The following AGAP3 variants were observed in gnomAD, a reference collection of about 807,000 sequenced individuals.
AGAP3 encodes ArfGAP with GTPase domain, ankyrin repeat and PH domain 3.
Under a neutral mutation model 96.9 loss-of-function variants are expected in AGAP3, and 24 were observed. The ratio of observed to expected loss-of-function variants is 0.25; its 90% CI spans 0.18 to 0.35. The LOEUF is 0.35. Ranked by LOEUF, AGAP3 falls within the 10% of genes least tolerant of loss-of-function variation. The pLI is 1.00. For missense variants in AGAP3, 876 were observed against 1,254.2 expected (o/e 0.70, Z 4.55); for synonymous variants, 563 against 536.1 (o/e 1.05, Z -0.69).
At position 151,140,018 on chromosome 7, in the gene AGAP3, T is replaced by G. The variant is rs1040603972; in HGVS notation, c.1706T>G (p.Leu569Arg). Residue 569 changes from leucine to arginine, a missense_variant, in exon 13 of 18, where the codon CTG becomes CGG. Around this residue, in one of 8 missense-constraint regions of AGAP3, gnomAD observed 155 missense variants for 144.4 expected, o/e 1.07. Coordinates refer to ENST00000397238, the MANE Select transcript of AGAP3 (RefSeq NM_031946.7). This position sits in a 1 kb window ranked among gnomAD's most constrained non-coding sequence, Gnocchi z 5.4. ...GAGGTACTCAGTTCCAGCCCCAAGC[T>G]GGATCCTCCCCCATCTCCCCACTCC... Reference protein sequence around the residue: ...PAEVLSSSPKLDPPPSPHSNR... With the variant: ...PAEVLSSSPKRDPPPSPHSNR... 2 of 1,598,656 alleles carry G rather than the reference T, an allele frequency of 1.3e-6. No individual in the cohort carries two copies. The highest frequency in any genetic ancestry group is 2.7e-5 in the African/African-American group (2 of 74,116).
At chr7:151,123,302 C>T in intron 8 of AGAP3, 3 of 1,039,318 alleles carry the variant, frequency 2.9e-6, no homozygotes, top group Non-Finnish European at 2.3e-6. Context: ...GGGTGCAGGG[C>T]CTCTTCTGGC....
intron 9 of AGAP3, among the ~76,000 whole-genome samples, chr7:151,127,829 A>G (rs1010022780): frequency 1.3e-5 from 2 of 152,184 alleles, no homozygotes; most frequent in Admixed American, 1.3e-4. Flanking sequence ...TGCATTCGTC[A>G]TCTGACAGCC....
chr7:151,117,969 T>C (rs1156371466), intron 5 of AGAP3, 192 bp downstream of exon 5: 5 of 904,820 alleles, frequency 5.5e-6, no homozygotes, highest in Non-Finnish European at 8.1e-6. Flanking sequence ...GCTGTCCCTG[T>C]GACTAGCAGG....
intron 9 of AGAP3, among the ~76,000 whole-genome samples, chr7:151,126,695 A>ACCTGG (rs1789877929): frequency 6.6e-6 from 1 of 152,178 alleles, no homozygotes; most frequent in African/African-American, 2.4e-5. Context: ...CTCTCAGTGC[A>ACCTGG]CCTGGCCCCT....
chr7:151,134,595 T>TG (rs753419471), intron 11 of AGAP3, 27 bp downstream of exon 11: 3 of 1,574,088 alleles, frequency 1.9e-6, no homozygotes, highest in Non-Finnish European at 1.7e-6. Context: ...GGTGGGGGCC[T>TG]GGGGGGTGGC....
Position 151,140,063 on chromosome 7 carries a change from G to A in AGAP3, c.1751G>A (p.Arg584Lys), listed in dbSNP as rs1169845426. The change falls in exon 13 of 18, where the codon AGG becomes AAG. Residue 584 changes from arginine (R) to lysine (K), a missense_variant. Around this residue, in one of 8 missense-constraint regions of AGAP3, gnomAD observed 155 missense variants for 144.4 expected, o/e 1.07. Coordinates refer to ENST00000397238, the MANE Select transcript of AGAP3 (RefSeq NM_031946.7). The surrounding 1 kb of genome is among the most constrained non-coding windows in gnomAD (Gnocchi z 5.4). ...CACTCCAACCGGAAGAAGCACCGGAGGAAAAAGAGCACCGGGACCCCCCGA... is the reference window on the plus strand; with the variant it reads ...CACTCCAACCGGAAGAAGCACCGGAAGAAAAAGAGCACCGGGACCCCCCGA... ...SPHSNRKKHR[R>K]KKSTGTPRPD... is the part of the protein sequence containing the mutation. 6.2e-7 allele frequency: 1 copy of A among 1,606,158 alleles called. No individual in the cohort carries two copies. The highest frequency in any genetic ancestry group is 8.5e-7 in the Non-Finnish European group (1 of 1,176,820).
chr7:151,131,531 A>G (rs1357466890), intron 10 of AGAP3, among the ~76,000 whole-genome samples: 8 of 152,134 alleles, frequency 5.3e-5, no homozygotes, highest in African/African-American at 1.9e-4. Context: ...ACGGAGGGAA[A>G]CGCTGCTGCC....
intron 1 of AGAP3, among the ~76,000 whole-genome samples, chr7:151,094,841 C>T (rs1317973956): frequency 6.6e-6 from 1 of 151,252 alleles, no homozygotes; most frequent in Non-Finnish European, 1.5e-5. Flanking sequence ...TCCCTTCCCT[C>T]CTTCCCTCTG....
At chr7:151,136,517 C>T (rs1168345553) in intron 11 of AGAP3, 5 of 152,252 alleles carry the variant, frequency 3.3e-5, no homozygotes, top group African/African-American at 7.2e-5. Flanking sequence ...ATCTTTGTTA[C>T]TGTAATTACA....
At position 151,107,962 on chromosome 7, in the gene AGAP3, T is replaced by G. The variant is rs565329839; in HGVS notation, c.332-8831T>G. On this transcript the variant is annotated intron_variant, in intron 1 of 17. Transcript: ENST00000397238. ...CCCACCCTTCAGGCCATGGGAGGGCTGGAGATGCTGTGAGGTGTAGGATCC... is the reference window on the plus strand; with the variant it reads ...CCCACCCTTCAGGCCATGGGAGGGCGGGAGATGCTGTGAGGTGTAGGATCC... Among the ~76,000 whole-genome samples, 4 of 152,186 alleles carry G rather than the reference T, an allele frequency of 2.6e-5. No homozygotes were observed. In the East Asian group the frequency reaches 7.8e-4, roughly 30 times the overall value.
chr7:151,121,606 G>A (rs1441542352), intron 8 of AGAP3, among the ~76,000 whole-genome samples: 2 of 151,768 alleles, frequency 1.3e-5, no homozygotes, highest in Non-Finnish European at 2.9e-5. Context: ...CCTCCCTTGC[G>A]CCCCGTGCTT....
chr7:151,138,728 T>C (rs915120528), intron 12 of AGAP3, among the ~76,000 whole-genome samples: 1 of 152,184 alleles, frequency 6.6e-6, no homozygotes, highest in Non-Finnish European at 1.5e-5. Context: ...GGGAAGCGGC[T>C]GAGTAGGGAG....
rs1210042889 is a variant in AGAP3, at chr7:151,112,844, T to A, written c.332-3949T>A. Among the ~76,000 whole-genome samples the A allele has an allele frequency of 2.0e-5, 3 of 152,000 alleles. No homozygotes were observed. The East Asian group carries it at 5.8e-4, about 29-fold the overall frequency. The stretch of plus-strand genomic sequence containing the variant: ...CTCCAACTCCTGGACTCAAGTGATC[T>A]GCCTGCCTCGGCCTCCCAAAGCGCT... On this transcript the variant is annotated intron_variant, in intron 1 of 17. Transcript: ENST00000397238.
rs1455715160 is a variant in AGAP3, at chr7:151,118,322, T to C, written c.819T>C (p.Asn273=). ...YYETCATYGL[N]VERVFQDVAQ... ...AGACGTGCGCGACCTACGGGCTCAA[T>C]GTGGAGCGTGTCTTCCAGGACGGTA... Residue 273 remains asparagine (N), a synonymous_variant, in exon 6 of 18, where the codon AAT becomes AAC. Coordinates refer to ENST00000397238, the MANE Select transcript of AGAP3 (RefSeq NM_031946.7). This position sits in a 1 kb window ranked among gnomAD's most constrained non-coding sequence, Gnocchi z 6.1. 4 of 1,612,060 alleles carry C rather than the reference T, an allele frequency of 2.5e-6. No individual in the cohort carries two copies. Among genetic ancestry groups the C allele is most frequent in the East Asian group, 2.2e-5 (1 of 44,792 alleles).
intron 1 of AGAP3, among the ~76,000 whole-genome samples, chr7:151,104,584 G>C (rs115554981): frequency 0.026 from 3,932 of 152,290 alleles, 141 homozygotes; most frequent in African/African-American, 0.087. Flanking sequence ...GTAATCAGGG[G>C]CGTGCCCATC....
chr7:151,122,882 G>C (rs1034150927), intron 8 of AGAP3: 44 of 1,551,314 alleles, frequency 2.8e-5, no homozygotes, highest in Non-Finnish European at 3.8e-5. Context: ...ATGAGAAGCG[G>C]CCGCCGAGCT....
At chr7:151,116,404 C>T in intron 1 of AGAP3, 1 of 217,772 alleles carries the variant, frequency 4.6e-6, no homozygotes, top group Non-Finnish European at 9.0e-6. Context: ...GTGCCCAGCC[C>T]TTGGGTCTGT....
intron 8 of AGAP3, chr7:151,123,375 G>T (rs759775629): frequency 1.0e-5 from 11 of 1,054,792 alleles, no homozygotes; most frequent in Admixed American, 5.0e-5. Flanking sequence ...TCGGTGCCAC[G>T]TGCCGTGTGG....
In AGAP3 at chr7:151,142,336, G is replaced by A. The variant is rs749839357; in HGVS notation, c.2051-76G>A. On this transcript the variant is annotated intron_variant, in intron 15 of 17. Transcript: ENST00000397238. The surrounding 1 kb of genome is among the most constrained non-coding windows in gnomAD (Gnocchi z 7.5). ...GCATCAGGGAGCAGGGAAGAGGGCA[G>A]GGAAGCCTTCCCTAGTTGTCCCGCG... 8.1e-6 allele frequency: 13 copies of A among 1,595,302 alleles called. No homozygotes were observed. Among genetic ancestry groups the A allele is most frequent in the Non-Finnish European group, 1.1e-5 (13 of 1,166,696 alleles).
Sources: gnomAD v4.1 joint callset for allele counts (sites outside exome capture counted in the v4.1 genomes callset) on GRCh38, gnomAD v4.1.1 for gene constraint, gnomAD v4.1.1 regional missense constraint, Gnocchi (gnomAD v3.1) non-coding constraint, MANE v1.5 for transcripts, NCBI Gene and HGNC (gene_info 2026-07-23, HGNC 2026-07-21) for gene names.